Variants in BCLAF3 observed in about 807,000 individuals in gnomAD.
BCLAF3 encodes the protein transient octamer binding factor 1.
A neutral mutation model predicts 51.2 loss-of-function variants in BCLAF3; 24 were observed. The observed-to-expected ratio is 0.47, with a 90% CI of 0.34 to 0.66. BCLAF3 has a LOEUF of 0.66. BCLAF3 is among the 30% of genes least tolerant of loss of function. The pLI, the probability that BCLAF3 is intolerant of heterozygous loss-of-function variation, is 0.01. For synonymous variants in BCLAF3, 152 were observed against 176.6 expected (o/e 0.86, Z 1.10); for missense variants, 465 against 525.1 (o/e 0.89, Z 1.12).
intron 1 of BCLAF3, among the ~76,000 whole-genome samples, chrX:19,971,685 T>C (rs2072262649): frequency 8.9e-6 from 1 of 111,971 alleles, no homozygotes; most frequent in Non-Finnish European, 1.9e-5. Flanking sequence ...GAATATTAAG[T>C]AGTTCCTAAC....
intron 10 of BCLAF3, among the ~76,000 whole-genome samples, chrX:19,933,317 G>A (rs1268507173): frequency 2.7e-5 from 3 of 112,109 alleles, no homozygotes; most frequent in Non-Finnish European, 5.6e-5. Context: ...CTTGCCCACA[G>A]AAATAGATTT....
intron 10 of BCLAF3, 98 bp downstream of exon 10, chrX:19,935,711 G>T: frequency 1.5e-6 from 1 of 653,569 alleles, no homozygotes; most frequent in East Asian, 3.3e-5. Flanking sequence ...CCATTTGAAA[G>T]CATATTACAA....
At chrX:19,964,408 T>A (rs780015302) in intron 4 of BCLAF3, among the ~76,000 whole-genome samples, 1 of 111,863 alleles carries the variant, frequency 8.9e-6, no homozygotes, top group African/African-American at 3.3e-5. Context: ...AAATGTCTTA[T>A]AAATAGGTAT....
At chrX:19,948,520 CT>C (rs1398982678) in intron 8 of BCLAF3, among the ~76,000 whole-genome samples, 1 of 110,640 alleles carries the variant, frequency 9.0e-6, no homozygotes, top group African/African-American at 3.3e-5. Flanking sequence ...ACTCCCAGCA[CT>C]TTGGGAGACT....
At chrX:19,985,798 T>C (rs914232458) in intron 1 of BCLAF3, among the ~76,000 whole-genome samples, 10 of 110,109 alleles carry the variant, frequency 9.1e-5, no homozygotes, top group Non-Finnish European at 1.9e-5. Context: ...ATTATCAAAA[T>C]TAGCCAAGTG....
In BCLAF3 at chrX:19,956,511, GA is replaced by G. The variant is rs1444876131; in HGVS notation, c.1275-946del. On this transcript the variant is annotated intron_variant, in intron 4 of 11. Transcript: ENST00000379682. ...AACATGTCTTCCAAGTGTTGTAATG[GA>G]AAACTATACCTTATTCCAAGAATGC... is the stretch of plus-strand genomic sequence containing the variant. 3.6e-5 allele frequency among the ~76,000 whole-genome samples: 4 copies of G among 111,804 alleles called. No individual in the cohort carries two copies. The Admixed American group carries it at 3.8e-4, about 11-fold the overall frequency.
intron 1 of BCLAF3, among the ~76,000 whole-genome samples, chrX:19,990,142 G>GA (rs376381001): frequency 0.015 from 780 of 50,694 alleles, 11 homozygotes; most frequent in African/African-American, 0.039. Context: ...TTTGTTCCAG[G>GA]AAAAAAAAAA....
intron 2 of BCLAF3, among the ~76,000 whole-genome samples, chrX:19,968,582 G>A (rs376944924): frequency 2.7e-5 from 3 of 112,972 alleles, no homozygotes; most frequent in Admixed American, 1.9e-4. Flanking sequence ...AGAGGGTGGG[G>A]GGAATGACAG....
chrX:19,965,846 GGCAC>G, intron 3 of BCLAF3, 140 bp from the exon 4 acceptor site: 1 of 658,824 alleles, frequency 1.5e-6, no homozygotes, highest in Non-Finnish European at 2.2e-6. Context: ...CAATTCTATA[GGCAC>G]AAGGCAGTTA....
At position 19,987,331 on chromosome X, in the gene BCLAF3, G is replaced by A. The variant is rs754936765; in HGVS notation, c.-35+3577C>T. 8.0e-5 allele frequency among the ~76,000 whole-genome samples: 9 copies of A among 111,923 alleles called. No individual in the cohort carries two copies. In the South Asian group the frequency reaches 3.3e-3, roughly 42 times the overall value. On this transcript the variant is annotated intron_variant, in intron 1 of 11. Transcript: ENST00000379682. The stretch of plus-strand genomic sequence containing the variant: ...ATTTACTTATTTATTTAGAGACAGA[G>A]TCTTGCTCTGTCACCCAGGCTGGAG...
chrX:19,981,015 G>A lies in BCLAF3; in HGVS notation c.-35+9893C>T, dbSNP rs370334586. On this transcript the variant is annotated intron_variant, in intron 1 of 11. Transcript: ENST00000379682. ...GTACAACTAGAAAACGGGAGAAGAAGAGAAAGCAAGAGAGAACAGTAGAAG... is the reference window on the plus strand; with the variant it reads ...GTACAACTAGAAAACGGGAGAAGAAAAGAAAGCAAGAGAGAACAGTAGAAG... Among the ~76,000 whole-genome samples the A allele has an allele frequency of 2.5e-4, 28 of 110,239 alleles. No individual in the cohort carries two copies. The East Asian group carries it at 4.2e-3, about 17-fold the overall frequency.
intron 4 of BCLAF3, among the ~76,000 whole-genome samples, chrX:19,962,474 C>T (rs1362329239): frequency 8.9e-6 from 1 of 112,376 alleles, no homozygotes; most frequent in Non-Finnish European, 1.9e-5. Context: ...TGAGCCATTG[C>T]ACCTGGCCAC....
chrX:19,924,867 T>C lies in BCLAF3; in HGVS notation c.2106+4918A>G, dbSNP rs1444804183. 2.7e-5 allele frequency among the ~76,000 whole-genome samples: 3 copies of C among 111,396 alleles called. 1 individual carries two copies. The highest frequency in any genetic ancestry group is 5.6e-5 in the Non-Finnish European group (3 of 53,154). Reference sequence around the variant, plus strand: ...CTCTCAGGAGTTTCTGAAAACTTTCTATGGTGAGCAGAGGATGCTTCCTGG... The same window carrying C: ...CTCTCAGGAGTTTCTGAAAACTTTCCATGGTGAGCAGAGGATGCTTCCTGG... On this transcript the variant is annotated intron_variant, in intron 11 of 11. Coordinates refer to ENST00000379682, the MANE Select transcript of BCLAF3 (RefSeq NM_001367774.2).
rs2069871677 is a variant in BCLAF3 at position 19,914,019 on chromosome X, C to T, written c.*3286G>A. 9.0e-6 allele frequency: 1 copy of T among 111,171 alleles called. No homozygotes were observed. The highest frequency in any genetic ancestry group is 3.3e-5 in the African/African-American group (1 of 30,530). The allele number at this position is 111,171 out of a possible 1,213,427, so 9.2% of individuals were successfully genotyped here. A position where few individuals can be genotyped will look rare whatever the true frequency, so the allele number is the denominator to read the frequency against. On this transcript the variant is annotated 3_prime_UTR_variant, in exon 12 of 12. Coordinates refer to ENST00000379682, the MANE Select transcript of BCLAF3 (RefSeq NM_001367774.2). ...TGTTGGGGAACCTGGTATCCCCTCT[C>T]TTCTAGGTTCCCATTAAATGTCCAG...
intron 10 of BCLAF3, 149 bp from the exon 11 acceptor site, chrX:19,930,089 T>C (rs1028715611): frequency 2.3e-6 from 1 of 441,392 alleles, no homozygotes; most frequent in African/African-American, 2.5e-5. Flanking sequence ...CTCAAGCTGA[T>C]CGCTTGAGGT....
rs1466379250 is a variant in BCLAF3, at chrX:19,941,750, T to C, written c.1746-4218A>G. Among the ~76,000 whole-genome samples, 4 of 105,214 alleles carry C rather than the reference T, an allele frequency of 3.8e-5. No homozygotes were observed. In the East Asian group the frequency reaches 8.7e-4, roughly 23 times the overall value. 91.4% of individuals were successfully genotyped at this position (105,214 alleles called of 115,157 possible). On this transcript the variant is annotated intron_variant, in intron 8 of 11. Transcript: ENST00000379682. ...TTTTAGCTTAGGATTGACTTGGCCA[T>C]GCGGGCTCTTTTTTGGTTCCATATG...
intron 7 of BCLAF3, 106 bp from the exon 8 acceptor site, chrX:19,950,974 C>T (rs2071455797): frequency 4.3e-6 from 2 of 462,823 alleles, no homozygotes; most frequent in Admixed American, 6.9e-5. Context: ...TTACCTTGTA[C>T]TCATCCTGCT....
chrX:19,929,662 G>A, intron 11 of BCLAF3, 123 bp downstream of exon 11: 2 of 645,901 alleles, frequency 3.1e-6, no homozygotes, highest in Non-Finnish European at 4.6e-6. Flanking sequence ...CATGCAACAA[G>A]AACATTTAAA....
intron 4 of BCLAF3, among the ~76,000 whole-genome samples, chrX:19,957,359 G>C (rs2071701566): frequency 8.9e-6 from 1 of 111,974 alleles, no homozygotes; most frequent in African/African-American, 3.2e-5. Context: ...CTCTGTTTAA[G>C]GGGGTCTAAA....
Sources: gnomAD v4.1 joint callset for allele counts (sites outside exome capture counted in the v4.1 genomes callset) on GRCh38, gnomAD v4.1.1 for gene constraint, MANE v1.5 for transcripts, NCBI Gene and HGNC (gene_info 2026-07-23, HGNC 2026-07-21) for gene names.